Variants in SPATC1 observed in about 807,000 individuals in gnomAD.
SPATC1 encodes speriolin.
In SPATC1, 35 loss-of-function variants were observed where a neutral mutation model predicts 36.5. That is an observed-to-expected ratio of 0.96 (90% CI 0.73 to 1.27). The LOEUF is 1.27. Ranked by LOEUF, SPATC1 falls within the 50% of genes most tolerant of loss-of-function variation. SPATC1 has a pLI of 0.00. For missense variants in SPATC1, 779 were observed against 796.0 expected (o/e 0.98, Z 0.26); for synonymous variants, 361 against 353.6 (o/e 1.02, Z -0.24).
At chr8:144,032,704 T>C (rs1350169443) in intron 1 of SPATC1, among the ~76,000 whole-genome samples, 2 of 152,194 alleles carry the variant, frequency 1.3e-5, no homozygotes, top group East Asian at 3.9e-4. Context: ...CTTGTTTGTT[T>C]AGTGACTTTT....
chr8:144,016,796 C>T lies in SPATC1; in HGVS notation c.211+4070C>T, dbSNP rs370613430. The stretch of plus-strand genomic sequence containing the variant: ...GACTACGGGCATGCACCAGCACACC[C>T]GGCTAATTTTGTATTTTGTTAGTAG... On this transcript the variant is annotated intron_variant, in intron 1 of 4. Transcript: ENST00000377470. This position sits in a 1 kb window ranked among gnomAD's most constrained non-coding sequence, Gnocchi z 4.5. 1.3e-5 allele frequency among the ~76,000 whole-genome samples: 2 copies of T among 152,036 alleles called. No homozygotes were observed. The highest frequency in any genetic ancestry group is 2.1e-4 in the South Asian group (1 of 4,822).
chr8:144,042,787 G>A (rs1835151447), intron 4 of SPATC1, among the ~76,000 whole-genome samples: 1 of 152,036 alleles, frequency 6.6e-6, no homozygotes, highest in South Asian at 2.1e-4. Context: ...TCTTGAGGAC[G>A]TTTTTGTGAT....
intron 4 of SPATC1, among the ~76,000 whole-genome samples, chr8:144,042,322 T>A (rs1223290910): frequency 1.8e-4 from 21 of 118,066 alleles, no homozygotes; most frequent in African/African-American, 7.5e-4. Flanking sequence ...TTTTTTTTTT[T>A]TTTTTTTTTT....
At position 144,046,870 on chromosome 8, in the gene SPATC1, C is replaced by T. The variant is rs782203211; in HGVS notation, c.1690C>T (p.Pro564Ser). 1.9e-6 allele frequency: 3 copies of T among 1,600,860 alleles called. No homozygotes were observed. Among genetic ancestry groups the T allele is most frequent in the Admixed American group, 1.7e-5 (1 of 60,010 alleles). Residue 564 changes from proline (P) to serine (S), a missense_variant, in exon 5 of 5, where the codon CCC becomes TCC. Pro to Ser is a moderately conservative substitution (Grantham distance 74, BLOSUM62 -1). Coordinates refer to ENST00000377470, the MANE Select transcript of SPATC1 (RefSeq NM_198572.3). The surrounding 1 kb of genome is among the most constrained non-coding windows in gnomAD (Gnocchi z 6.6). ...GCGTGTGGTGGTGGAGACCGTGCAC[C>T]CCGGCATGCTCGCCGACGCGCTGCT... ...LQRVVVETVH[P>S]GMLADALLLL...
intron 1 of SPATC1, among the ~76,000 whole-genome samples, chr8:144,024,095 A>G: frequency 6.6e-6 from 1 of 150,422 alleles, no homozygotes; most frequent in South Asian, 2.1e-4. Flanking sequence ...CTGTACCCTT[A>G]GGAGCCTCTC....
rs569111408 is a variant in SPATC1 at position 144,040,554 on chromosome 8, C to T, written c.767-14C>T. On this transcript the variant is annotated splice_polypyrimidine_tract_variant and intron_variant, in intron 2 of 4. Coordinates refer to ENST00000377470, the MANE Select transcript of SPATC1 (RefSeq NM_198572.3). ...ATCCCCCTTTTTTTATTTCTGTTCC[C>T]TCCACATCACTAGTCCCACTCTCCA... is the stretch of plus-strand genomic sequence containing the variant. 3.8e-6 allele frequency: 6 copies of T among 1,573,870 alleles called. No individual in the cohort carries two copies. The East Asian group carries it at 1.3e-4, about 35-fold the overall frequency.
At chr8:144,041,149 C>A in intron 3 of SPATC1, 42 bp downstream of exon 3, 1 of 1,589,732 alleles carries the variant, frequency 6.3e-7, no homozygotes, top group Non-Finnish European at 8.6e-7. Context: ...GGCCCCCAGG[C>A]CCTCTCCCTG....
At chr8:144,020,834 C>A (rs1489067760) in intron 1 of SPATC1, among the ~76,000 whole-genome samples, 4 of 149,540 alleles carry the variant, frequency 2.7e-5, no homozygotes, top group African/African-American at 9.9e-5. Context: ...TCTCTCAGGA[C>A]CCTCTTCCCT....
At chr8:144,027,762 A>G (rs1834714298) in intron 1 of SPATC1, among the ~76,000 whole-genome samples, 1 of 152,158 alleles carries the variant, frequency 6.6e-6, no homozygotes, top group Non-Finnish European at 1.5e-5. Flanking sequence ...GGATGCCAAG[A>G]CAGGTGGATC....
At chr8:144,011,751 G>A (rs879957113), upstream of SPATC1, among the ~76,000 whole-genome samples, 1 of 152,090 alleles carries the variant, frequency 6.6e-6, no homozygotes, top group Admixed American at 6.5e-5. This position sits in a 1 kb window ranked among gnomAD's most constrained non-coding sequence, Gnocchi z 4.5. Context: ...ATCCAAGTGC[G>A]GAGAAGGCAA....
intron 1 of SPATC1, among the ~76,000 whole-genome samples, chr8:144,030,513 C>T (rs960003431): frequency 7.2e-5 from 11 of 152,198 alleles, no homozygotes; most frequent in Admixed American, 2.0e-4. Context: ...CATCAGCCAC[C>T]ACGCCTGGCT....
At chr8:144,021,129 T>C (rs1834518294) in intron 1 of SPATC1, among the ~76,000 whole-genome samples, 3 of 1,144 alleles carry the variant, frequency 2.6e-3, no homozygotes, top group Admixed American at 9.3e-3. Context: ...ATGAGGATTC[T>C]CTCCCTCAGG....
At chr8:144,022,634 A>C (rs1246878927) in intron 1 of SPATC1, among the ~76,000 whole-genome samples, 18 of 111,854 alleles carry the variant, frequency 1.6e-4, no homozygotes, top group South Asian at 3.1e-4. Context: ...AGACCCTCCC[A>C]CTTCAGGTCT....
At position 144,041,218 on chromosome 8, in the gene SPATC1, C is replaced by T. The variant is rs1554755990; in HGVS notation, c.1307-14C>T. On this transcript the variant is annotated splice_polypyrimidine_tract_variant and intron_variant, in intron 3 of 4. Transcript: ENST00000377470. ...CACCCTCTCACCTGGGCTGACGAGA[C>T]CCTGTGTCCCCAGAGTCGAAGCAGC... 2 of 1,613,084 alleles carry T rather than the reference C, an allele frequency of 1.2e-6. No homozygotes were observed. The highest frequency in any genetic ancestry group is 8.5e-7 in the Non-Finnish European group (1 of 1,179,932).
At position 144,034,356 on chromosome 8, in the gene SPATC1, A is replaced by G. The variant is rs1467034144; in HGVS notation, c.212-5553A>G. Among the ~76,000 whole-genome samples, 7 of 151,646 alleles carry G rather than the reference A, an allele frequency of 4.6e-5. No homozygotes were observed. The East Asian group carries it at 1.4e-3, about 29-fold the overall frequency. On this transcript the variant is annotated intron_variant, in intron 1 of 4. Coordinates refer to ENST00000377470, the MANE Select transcript of SPATC1 (RefSeq NM_198572.3). ...GGCCTGGCTTTGTTTGCTAAGTGTG[A>G]GCAGGGCTGTGGCCCCTCCTGGTCT...
rs782541754 is a variant in SPATC1, at chr8:144,041,044, A to G, written c.1243A>G (p.Met415Val). 2 of 1,608,310 alleles carry G rather than the reference A, an allele frequency of 1.2e-6. No individual in the cohort carries two copies. The highest frequency in any genetic ancestry group is 8.5e-7 in the Non-Finnish European group (1 of 1,177,780). ...PRTTEPSTKS[M>V]MEVERKLAHR... is the part of the protein sequence containing the mutation. Reference sequence around the variant, plus strand: ...CACCACAGAACCGTCGACGAAGAGCATGATGGAGGTGGAACGGAAGCTGGC... The same window carrying G: ...CACCACAGAACCGTCGACGAAGAGCGTGATGGAGGTGGAACGGAAGCTGGC... The change falls in exon 3 of 5, where the codon ATG (methionine) becomes GTG (valine). Residue 415 changes from methionine to valine, a missense_variant. Met to Val is a conservative substitution (Grantham distance 21). Transcript: ENST00000377470.
chr8:144,020,021 C>A (rs1045049427), intron 1 of SPATC1, among the ~76,000 whole-genome samples: 4,262 of 151,990 alleles, frequency 0.028, 211 homozygotes, highest in African/African-American at 0.097. Flanking sequence ...TTCCCTCACA[C>A]GAGAACCTGC....
In SPATC1 at chr8:144,046,349, A is replaced by G. The variant is rs1835260649; in HGVS notation, c.1447-278A>G. 6.6e-6 allele frequency among the ~76,000 whole-genome samples: 1 copy of G among 152,094 alleles called. No individual in the cohort carries two copies. The highest frequency in any genetic ancestry group is 2.1e-4 in the South Asian group (1 of 4,824). ...TCCCTGGTGGTGCGTGGAGCAGACG[A>G]CAGGGTTGGGGCATCCTCTTCCACC... On this transcript the variant is annotated intron_variant, in intron 4 of 4. Transcript: ENST00000377470. The surrounding 1 kb of genome is among the most constrained non-coding windows in gnomAD (Gnocchi z 6.6).
chr8:144,028,670 A>C (rs1834732722), intron 1 of SPATC1, among the ~76,000 whole-genome samples: 1 of 152,248 alleles, frequency 6.6e-6, no homozygotes, highest in Non-Finnish European at 1.5e-5. Context: ...CTAGAACCAG[A>C]AATACCATTT....
Sources: allele counts gnomAD v4.1 joint callset (sites outside exome capture counted in the v4.1 genomes callset), GRCh38; gene constraint gnomAD v4.1.1; non-coding constraint Gnocchi (gnomAD v3.1); transcripts MANE v1.5; gene names NCBI Gene and HGNC (gene_info 2026-07-23, HGNC 2026-07-21).